C6orf58: variants seen among roughly 807,000 people sequenced by gnomAD.
C6orf58 encodes protein LEG1 homolog.
C6orf58 carries 30 observed loss-of-function variants against 37.0 expected under a neutral mutation model. The observed-to-expected ratio is 0.81, with a 90% CI of 0.61 to 1.10. The LOEUF (loss-of-function observed/expected upper bound fraction) is 1.10. Ranked by LOEUF, C6orf58 falls within the 50% of genes least tolerant of loss-of-function variation. The pLI is 0.00. For missense variants in C6orf58, 368 were observed against 387.5 expected, an observed-to-expected ratio of 0.95 and a Z score of 0.42; for synonymous variants, 143 against 134.1, an observed-to-expected ratio of 1.07 and a Z score of -0.46.
chr6:127,590,243 C>G lies in C6orf58; in HGVS notation c.831C>G (p.Ala277=). The part of the protein sequence containing the change: ...PPRILLNTDV[A]PFISDFTAFQ... ...GAATTCTTCTTAATACTGATGTAGC[C>G]CCTTTCATCAGTGACTTTACTGCTT... The change falls in exon 5 of 6, where the codon GCC becomes GCG. Residue 277 remains alanine (A), a synonymous_variant. Coordinates refer to ENST00000329722, the MANE Select transcript of C6orf58 (RefSeq NM_001010905.3). 6.2e-7 allele frequency: 1 copy of G among 1,613,280 alleles called. No homozygotes were observed. The highest frequency in any genetic ancestry group is 2.2e-5 in the East Asian group (1 of 44,840).
At chr6:127,583,465 T>C (rs1775070622) in intron 4 of C6orf58, among the ~76,000 whole-genome samples, 1 of 152,140 alleles carries the variant, frequency 6.6e-6, no homozygotes, top group Non-Finnish European at 1.5e-5. Flanking sequence ...ACTTTATTCA[T>C]GATCTTGGGA....
intron 2 of C6orf58, among the ~76,000 whole-genome samples, chr6:127,579,714 G>T (rs74794101): frequency 0.013 from 2,017 of 152,196 alleles, 63 homozygotes; most frequent in African/African-American, 0.047. Flanking sequence ...ATGTTTGATT[G>T]TCAGTCTAAT....
Position 127,591,523 on chromosome 6 carries a change from T to C in C6orf58, c.914-20T>C. The C allele has an allele frequency of 6.6e-7, 1 of 1,508,614 alleles. No homozygotes were observed. Among genetic ancestry groups the C allele is most frequent in the Non-Finnish European group, 8.8e-7 (1 of 1,136,354 alleles). The allele number at this position is 1,508,614 out of a possible 1,614,324, so 93.5% of individuals were successfully genotyped here. A position where few individuals can be genotyped will look rare whatever the true frequency, so the allele number is the denominator to read the frequency against. On this transcript the variant is annotated intron_variant, in intron 5 of 5. Transcript: ENST00000329722. Reference sequence around the variant, plus strand: ...AAAATTTGCAAGAGTTTACATGTAATCATTTTGTATCTTTTACAGGTTATC... The same window carrying C: ...AAAATTTGCAAGAGTTTACATGTAACCATTTTGTATCTTTTACAGGTTATC...
rs767547213 is a variant in C6orf58, at chr6:127,580,358, C to A, written c.482C>A (p.Pro161Gln). Reference protein sequence around the residue: ...ISSDQVRLLPPPKNERKFCYD... With the variant: ...ISSDQVRLLPQPKNERKFCYD... ...TCAGACCAAGTCAGGCTTTTGCCCC[C>A]ACCCAAGAATGAGAGGAAGTTTTGT... is the stretch of plus-strand genomic sequence containing the variant. The change falls in exon 3 of 6, where the codon CCA (proline) becomes CAA (glutamine). Residue 161 changes from proline to glutamine, a missense_variant. Pro to Gln is a moderately conservative substitution (Grantham distance 76, BLOSUM62 -1). Transcript: ENST00000329722. 6.2e-7 allele frequency: 1 copy of A among 1,612,858 alleles called. No individual in the cohort carries two copies. The highest frequency in any genetic ancestry group is 8.5e-7 in the Non-Finnish European group (1 of 1,179,234).
chr6:127,588,648 A>T (rs1484221237), intron 4 of C6orf58, among the ~76,000 whole-genome samples: 1 of 152,180 alleles, frequency 6.6e-6, no homozygotes, highest in Admixed American at 6.5e-5. Flanking sequence ...ACCACATTCT[A>T]TCTGATCATT....
rs181773728 is a variant in C6orf58, at chr6:127,579,265, G to A, written c.388+493G>A. On this transcript the variant is annotated intron_variant, in intron 2 of 5. Transcript: ENST00000329722. ...ATACTTAATGCTAAAATAACCAGAA[G>A]GTATTTTCTAATTCTTTCATTTAAT... Among the ~76,000 whole-genome samples the A allele has an allele frequency of 5.0e-3, 763 of 152,094 alleles. 6 individuals carry two copies. Among genetic ancestry groups the A allele is most frequent in the African/African-American group, 0.017 (707 of 41,500 alleles).
chr6:127,590,287 T>C lies in C6orf58; in HGVS notation c.875T>C (p.Val292Ala). 1.2e-6 allele frequency: 2 copies of C among 1,612,194 alleles called. No individual in the cohort carries two copies. Among genetic ancestry groups the C allele is most frequent in the South Asian group, 1.1e-5 (1 of 91,050 alleles). Residue 292 changes from valine (V) to alanine (A), a missense_variant, in exon 5 of 6, where the codon GTT becomes GCT. Physicochemically the swap from Val to Ala is moderately conservative, Grantham distance 64. Coordinates refer to ENST00000329722, the MANE Select transcript of C6orf58 (RefSeq NM_001010905.3). ...DFTAFQNVVL[V>A]LLNMLDNVDK... ...ACTGCTTTTCAGAATGTAGTCCTGGTTCTTCTAAATATGCTTGACAATGTG... is the reference window on the plus strand; with the variant it reads ...ACTGCTTTTCAGAATGTAGTCCTGGCTCTTCTAAATATGCTTGACAATGTG...
At chr6:127,587,152 G>A (rs1775115627) in intron 4 of C6orf58, among the ~76,000 whole-genome samples, 1 of 151,906 alleles carries the variant, frequency 6.6e-6, no homozygotes, top group Admixed American at 6.6e-5. Context: ...CCAAAATCTT[G>A]TTGTTCCCCA....
rs150182872 is a variant in C6orf58 at position 127,577,229 on chromosome 6, T to C, written c.44T>C (p.Phe15Ser). 6 of 1,613,586 alleles carry C rather than the reference T, an allele frequency of 3.7e-6. No individual in the cohort carries two copies. In the African/African-American group the frequency reaches 4.0e-5, roughly 11 times the overall value. Residue 15 changes from phenylalanine to serine, a missense_variant, in exon 1 of 6, where the codon TTT becomes TCT. By Grantham distance (155) the Phe-to-Ser change is radical. Transcript: ENST00000329722. ...TGGGTTTGTGTACTAGTTGGTTCCTTTTCTGCTTCCTTAGCAGGGACTTCC... is the reference window on the plus strand; with the variant it reads ...TGGGTTTGTGTACTAGTTGGTTCCTCTTCTGCTTCCTTAGCAGGGACTTCC... ...PSWVCVLVGS[F>S]SASLAGTSNL...
chr6:127,591,592 T>C lies in C6orf58; in HGVS notation c.963T>C (p.Ser321=), dbSNP rs572815022. The C allele has an allele frequency of 2.6e-6, 4 of 1,530,982 alleles. No individual in the cohort carries two copies. The African/African-American group carries it at 4.3e-5, about 16-fold the overall frequency. The allele number at this position is 1,530,982 out of a possible 1,614,324, so 94.8% of individuals were successfully genotyped here. A position where few individuals can be genotyped will look rare whatever the true frequency, so the allele number is the denominator to read the frequency against. Residue 321 remains serine, a synonymous_variant, in exon 6 of 6, where the codon TCT becomes TCC. Coordinates refer to ENST00000329722, the MANE Select transcript of C6orf58 (RefSeq NM_001010905.3). The part of the protein sequence containing the change: ...KSNVYRDHSE[S]SSRSYGNNS ...ATGTATATAGAGATCATTCGGAATC[T>C]AGCTCTAGAAGTTATGGAAATAACT...
chr6:127,582,173 G>C (rs377490956), intron 4 of C6orf58, among the ~76,000 whole-genome samples: 10 of 152,210 alleles, frequency 6.6e-5, no homozygotes, highest in African/African-American at 2.4e-4. Context: ...GATTATTTAT[G>C]TTCTCTTTAT....
chr6:127,585,853 A>G lies in C6orf58; in HGVS notation c.675-4234A>G, dbSNP rs867871436. 2.0e-5 allele frequency among the ~76,000 whole-genome samples: 3 copies of G among 152,302 alleles called. No homozygotes were observed. In the South Asian group the frequency reaches 6.2e-4, roughly 32 times the overall value. On this transcript the variant is annotated intron_variant, in intron 4 of 5. Coordinates refer to ENST00000329722, the MANE Select transcript of C6orf58 (RefSeq NM_001010905.3). ...TTCTTATACATTCAGTTTTTGTCCT[A>G]TACTTCCTCTCTTCTCATTTTGGAA...
At position 127,581,240 on chromosome 6, in the gene C6orf58, A is replaced by T; in HGVS notation, c.632A>T (p.His211Leu). 1.9e-6 allele frequency: 3 copies of T among 1,539,810 alleles called. No individual in the cohort carries two copies. The highest frequency in any genetic ancestry group is 3.7e-5 in the Admixed American group (2 of 54,424). ...DDLLKYLWAA[H>L]TSTLADNIKS... ...CTGTTGAAGTACTTATGGGCTGCACACACTTCAACCTTGGCAGATAATATC... is the reference window on the plus strand; with the variant it reads ...CTGTTGAAGTACTTATGGGCTGCACTCACTTCAACCTTGGCAGATAATATC... Residue 211 changes from histidine to leucine, a missense_variant, in exon 4 of 6, where the codon CAC (histidine) becomes CTC (leucine). Transcript: ENST00000329722.
chr6:127,585,448 C>A (rs942855516), intron 4 of C6orf58, among the ~76,000 whole-genome samples: 1 of 152,052 alleles, frequency 6.6e-6, no homozygotes, highest in African/African-American at 2.4e-5. Flanking sequence ...AAGGCAAATG[C>A]AGAAAAATTA....
In C6orf58 at chr6:127,590,254, G is replaced by T. The variant is rs771967415; in HGVS notation, c.842G>T (p.Ser281Ile). The change falls in exon 5 of 6, where the codon AGT becomes ATT. Residue 281 changes from serine (S) to isoleucine (I), a missense_variant. Ser to Ile is a moderately radical substitution (Grantham distance 142, BLOSUM62 -2). Coordinates refer to ENST00000329722, the MANE Select transcript of C6orf58 (RefSeq NM_001010905.3). ...LLNTDVAPFI[S>I]DFTAFQNVVL... Reference sequence around the variant, plus strand: ...AATACTGATGTAGCCCCTTTCATCAGTGACTTTACTGCTTTTCAGAATGTA... The same window carrying T: ...AATACTGATGTAGCCCCTTTCATCATTGACTTTACTGCTTTTCAGAATGTA... 21 of 1,613,634 alleles carry T rather than the reference G, an allele frequency of 1.3e-5. No individual in the cohort carries two copies. Among genetic ancestry groups the T allele is most frequent in the Non-Finnish European group, 1.7e-5 (20 of 1,179,834 alleles).
At chr6:127,590,739 A>G (rs1374887780) in intron 5 of C6orf58, among the ~76,000 whole-genome samples, 1 of 152,166 alleles carries the variant, frequency 6.6e-6, no homozygotes, top group African/African-American at 2.4e-5. Context: ...ATTACTAGCA[A>G]TTTGGCTTAC....
intron 4 of C6orf58, among the ~76,000 whole-genome samples, chr6:127,585,671 C>A (rs1209922504): frequency 6.6e-6 from 1 of 152,194 alleles, no homozygotes; most frequent in Non-Finnish European, 1.5e-5. Flanking sequence ...CTTGGCTTAA[C>A]ACAGGGAAAC....
Position 127,577,274 on chromosome 6 carries a change from C to A in C6orf58, c.89C>A (p.Pro30His). 1.2e-6 allele frequency: 2 copies of A among 1,611,146 alleles called. No homozygotes were observed. The highest frequency in any genetic ancestry group is 8.5e-7 in the Non-Finnish European group (1 of 1,177,444). Residue 30 changes from proline (P) to histidine (H), a missense_variant, in exon 1 of 6, where the codon CCC becomes CAC. Physicochemically the swap from Pro to His is moderately conservative, Grantham distance 77. Coordinates refer to ENST00000329722, the MANE Select transcript of C6orf58 (RefSeq NM_001010905.3). ...ACTTCCAATCTCTCAGAGACAGAGC[C>A]CCCTCTGTGGAAGGAGAGTCCTGGT... ...AGTSNLSETE[P>H]PLWKESPGQL...
chr6:127,577,590 T>C, intron 1 of C6orf58, 104 bp downstream of exon 1: 1 of 935,818 alleles, frequency 1.1e-6, no homozygotes, highest in Non-Finnish European at 1.6e-6. Context: ...TAAAAATTGA[T>C]TCTTTATCTT....
Sources: gnomAD v4.1 joint callset for allele counts (sites outside exome capture counted in the v4.1 genomes callset) on GRCh38, gnomAD v4.1.1 for gene constraint, MANE v1.5 for transcripts, NCBI Gene and HGNC (gene_info 2026-07-23, HGNC 2026-07-21) for gene names.